TRPC7: variants seen among roughly 807,000 people sequenced by gnomAD.
TRPC7 encodes the protein short transient receptor potential channel 7.
Under a neutral mutation model 90.1 loss-of-function variants are expected in TRPC7, and 42 were observed. That is an observed-to-expected ratio of 0.47 (90% CI 0.36 to 0.60). The LOEUF (loss-of-function observed/expected upper bound fraction) is 0.60. TRPC7 is among the 20% of genes least tolerant of loss of function. TRPC7 has a pLI of 0.00. For synonymous variants in TRPC7, 451 were observed against 436.3 expected, an observed-to-expected ratio of 1.03 and a Z score of -0.42; for missense variants, 955 against 1,112.3, an observed-to-expected ratio of 0.86 and a Z score of 2.01.
chr5:136,295,179 C>T (rs551573040), intron 3 of TRPC7, among the ~76,000 whole-genome samples: 4 of 151,944 alleles, frequency 2.6e-5, no homozygotes, highest in Non-Finnish European at 5.9e-5. Flanking sequence ...AGGAGATATA[C>T]CTAATGCTAA....
chr5:136,297,835 C>T (rs987084368), intron 3 of TRPC7, among the ~76,000 whole-genome samples: 26 of 152,182 alleles, frequency 1.7e-4, no homozygotes, highest in African/African-American at 6.3e-4. Context: ...CTTTCCTATT[C>T]ATCTCATTTT....
At chr5:136,279,525 G>A (rs61603987) in intron 3 of TRPC7, among the ~76,000 whole-genome samples, 22,074 of 152,052 alleles carry the variant, frequency 0.15, 2,184 homozygotes, top group East Asian at 0.34. Context: ...GGGTGCTGAT[G>A]TGACTGGGTT....
At chr5:136,274,508 C>A (rs1319713383) in intron 4 of TRPC7, 165 bp downstream of exon 4, 6 of 717,626 alleles carry the variant, frequency 8.4e-6, no homozygotes, top group Non-Finnish European at 9.8e-6. Context: ...CACGTCTTAA[C>A]ATTTTTCCTT....
At chr5:136,242,306 A>G (rs535522100) in intron 7 of TRPC7, among the ~76,000 whole-genome samples, 2 of 152,226 alleles carry the variant, frequency 1.3e-5, no homozygotes, top group East Asian at 3.9e-4. Context: ...AGTGGCTTGG[A>G]GATAATGAGT....
At chr5:136,287,777 T>G (rs1243660558) in intron 3 of TRPC7, among the ~76,000 whole-genome samples, 1 of 143,118 alleles carries the variant, frequency 7.0e-6, no homozygotes, top group Non-Finnish European at 1.5e-5. Context: ...GAGCCACAGC[T>G]TAGGACAGAT....
At chr5:136,346,637 G>C (rs1760017322) in intron 2 of TRPC7, among the ~76,000 whole-genome samples, 1 of 152,188 alleles carries the variant, frequency 6.6e-6, no homozygotes, top group Admixed American at 6.5e-5. Flanking sequence ...CAATAACCAA[G>C]AAATTAATAA....
intron 7 of TRPC7, among the ~76,000 whole-genome samples, chr5:136,234,547 A>G (rs1347954981): frequency 6.6e-6 from 1 of 152,066 alleles, no homozygotes; most frequent in African/African-American, 2.4e-5. Context: ...TGACCTCATG[A>G]TCTGCCCACC....
At chr5:136,270,976 G>A (rs1304656068) in intron 4 of TRPC7, among the ~76,000 whole-genome samples, 1 of 151,936 alleles carries the variant, frequency 6.6e-6, no homozygotes, top group Non-Finnish European at 1.5e-5. Flanking sequence ...TAAATGTGGA[G>A]AAAAAGAGGT....
rs1337839976 is a variant in TRPC7 at position 136,315,795 on chromosome 5, G to A, written c.781-16C>T. On this transcript the variant is annotated splice_polypyrimidine_tract_variant and intron_variant, in intron 2 of 11. Transcript: ENST00000513104. ...TGTAATCGTTCTAACAGAATAGAGAGAAATCAGCGGTATGTCACATGGAGG... is the reference window on the plus strand; with the variant it reads ...TGTAATCGTTCTAACAGAATAGAGAAAAATCAGCGGTATGTCACATGGAGG... The A allele has an allele frequency of 1.2e-6, 2 of 1,609,190 alleles. No individual in the cohort carries two copies. The highest frequency in any genetic ancestry group is 1.7e-6 in the Non-Finnish European group (2 of 1,176,472).
At chr5:136,258,224 A>G (rs1027402457) in intron 5 of TRPC7, among the ~76,000 whole-genome samples, 2 of 152,238 alleles carry the variant, frequency 1.3e-5, no homozygotes, top group Non-Finnish European at 2.9e-5. Flanking sequence ...TAATTCACCC[A>G]GATGAATTTA....
At chr5:136,227,530 G>T (rs999866564) in intron 8 of TRPC7, among the ~76,000 whole-genome samples, 2 of 151,996 alleles carry the variant, frequency 1.3e-5, no homozygotes, top group Admixed American at 6.5e-5. Flanking sequence ...AATCAGCAGG[G>T]TTGACCACTT....
intron 3 of TRPC7, among the ~76,000 whole-genome samples, chr5:136,297,956 T>C (rs1310205611): frequency 1.3e-5 from 2 of 150,038 alleles, no homozygotes; most frequent in Admixed American, 1.3e-4. Flanking sequence ...AAGACTTAGG[T>C]GCTACACATT....
At chr5:136,326,675 GTTGT>G (rs1007557240) in intron 2 of TRPC7, among the ~76,000 whole-genome samples, 4 of 152,150 alleles carry the variant, frequency 2.6e-5, no homozygotes, top group Admixed American at 1.3e-4. Flanking sequence ...AGTTAATGTG[GTTGT>G]TTTTTTTCCT....
At chr5:136,292,402 C>A (rs1757990293) in intron 3 of TRPC7, among the ~76,000 whole-genome samples, 1 of 152,006 alleles carries the variant, frequency 6.6e-6, no homozygotes, top group South Asian at 2.1e-4. Context: ...ACTAGCAAGA[C>A]TAATAAAGAA....
chr5:136,349,124 C>T lies in TRPC7; in HGVS notation c.780+7484G>A, dbSNP rs150513311. 4.4e-3 allele frequency among the ~76,000 whole-genome samples: 515 copies of T among 117,748 alleles called. 1 individual carries two copies. The highest frequency in any genetic ancestry group is 0.013 in the African/African-American group (473 of 35,834). The allele number at this position is 117,748 out of a possible 152,430, so 77.2% of individuals were successfully genotyped here. A position where few individuals can be genotyped will look rare whatever the true frequency, so the allele number is the denominator to read the frequency against. ...TGTATTTGTCAGGATCTCTGCCTGC[C>T]CATTTCCTCCTCCTCCTCTTTTGCT... On this transcript the variant is annotated intron_variant, in intron 2 of 11. Coordinates refer to ENST00000513104, the MANE Select transcript of TRPC7 (RefSeq NM_020389.3).
At chr5:136,300,818 A>C (rs965420802) in intron 3 of TRPC7, among the ~76,000 whole-genome samples, 1 of 152,168 alleles carries the variant, frequency 6.6e-6, no homozygotes, top group African/African-American at 2.4e-5. Flanking sequence ...CACTGAACAC[A>C]CCATCTATCT....
intron 2 of TRPC7, among the ~76,000 whole-genome samples, chr5:136,322,611 C>A (rs956893489): frequency 6.6e-6 from 1 of 152,166 alleles, no homozygotes; most frequent in Non-Finnish European, 1.5e-5. Context: ...TCAAGAGATA[C>A]TCTTGCCTCA....
In TRPC7 at chr5:136,356,297, C is replaced by T. The variant is rs549610127; in HGVS notation, c.780+311G>A. ...CTAGACACTCCTGAGCTCCCTGAGG[C>T]GGAGCTAAGGCATTGACATCAGAAC... On this transcript the variant is annotated intron_variant, in intron 2 of 11. Coordinates refer to ENST00000513104, the MANE Select transcript of TRPC7 (RefSeq NM_020389.3). 1.2e-4 allele frequency among the ~76,000 whole-genome samples: 18 copies of T among 152,356 alleles called. No homozygotes were observed. The South Asian group carries it at 3.5e-3, about 30-fold the overall frequency.
chr5:136,318,974 G>T (rs1315900630), intron 2 of TRPC7, among the ~76,000 whole-genome samples: 1 of 152,036 alleles, frequency 6.6e-6, no homozygotes, highest in Non-Finnish European at 1.5e-5. Flanking sequence ...CCTTGGTTGG[G>T]TCTAACTCTC....
Sources: gnomAD v4.1 joint callset for allele counts (sites outside exome capture counted in the v4.1 genomes callset) on GRCh38, gnomAD v4.1.1 for gene constraint, MANE v1.5 for transcripts, NCBI Gene and HGNC (gene_info 2026-07-23, HGNC 2026-07-21) for gene names.